DNM3: variants seen among roughly 807,000 people sequenced by gnomAD.
DNM3 encodes dynamin-3.
Under a neutral mutation model 101.6 loss-of-function variants are expected in DNM3, and 47 were observed. The observed-to-expected ratio is 0.46, with a 90% CI of 0.37 to 0.59. The LOEUF (loss-of-function observed/expected upper bound fraction) is 0.59. Among genes scored for constraint, DNM3 ranks in the 20% least tolerant of loss-of-function variants. The probability of loss-of-function intolerance (pLI) is 0.00; values close to 1 mark genes in which losing one functional copy is unlikely to be tolerated. For synonymous variants in DNM3, 385 were observed against 387.9 expected (o/e 0.99, Z 0.09); for missense variants, 849 against 1,085.7 (o/e 0.78, Z 3.06).
intron 4 of DNM3, among the ~76,000 whole-genome samples, chr1:172,001,317 C>T (rs1453367937): frequency 1.3e-5 from 2 of 151,958 alleles, no homozygotes; most frequent in Non-Finnish European, 2.9e-5. Context: ...CTAGCAGTGT[C>T]ACTGACATCT....
chr1:172,007,749 AG>A (rs2046792129), intron 4 of DNM3, among the ~76,000 whole-genome samples: 1 of 151,908 alleles, frequency 6.6e-6, no homozygotes, highest in African/African-American at 2.4e-5. Context: ...GAAATTTTGT[AG>A]TTTTAGGTTT....
chr1:172,225,159 T>TTTTTTA (rs2061061011), intron 14 of DNM3, among the ~76,000 whole-genome samples: 1 of 144,490 alleles, frequency 6.9e-6, no homozygotes, highest in Non-Finnish European at 1.5e-5. Context: ...TTTTTTTTTT[T>TTTTTTA]GAGATAGTCT....
intron 1 of DNM3, among the ~76,000 whole-genome samples, chr1:171,913,049 A>C (rs2039431725): frequency 6.6e-6 from 1 of 152,342 alleles, no homozygotes; most frequent in Admixed American, 6.5e-5. Context: ...TAAGGCATTA[A>C]GTTCTTCAGC....
chr1:172,349,408 C>G (rs1316205058), intron 17 of DNM3, among the ~76,000 whole-genome samples: 1 of 152,128 alleles, frequency 6.6e-6, no homozygotes, highest in African/African-American at 2.4e-5. Context: ...CTACTGCTGC[C>G]ATTATTAGAT....
intron 12 of DNM3, among the ~76,000 whole-genome samples, chr1:172,087,947 G>A (rs2053645751): frequency 6.6e-6 from 1 of 152,126 alleles, no homozygotes; most frequent in Admixed American, 6.5e-5. Flanking sequence ...ACCACTTTGG[G>A]ATCCCTAACT....
At chr1:172,244,224 C>T (rs1414323233) in intron 14 of DNM3, among the ~76,000 whole-genome samples, 1 of 151,778 alleles carries the variant, frequency 6.6e-6, no homozygotes, top group Non-Finnish European at 1.5e-5. Context: ...CATAGTATTC[C>T]ATGGTGTATA....
At chr1:172,037,750 TACTC>T (rs893140948) in intron 6 of DNM3, among the ~76,000 whole-genome samples, 1 of 152,172 alleles carries the variant, frequency 6.6e-6, no homozygotes, top group Non-Finnish European at 1.5e-5. Flanking sequence ...AGCTTTCCCT[TACTC>T]AGTCATGGAG....
At chr1:172,368,776 A>G (rs2068164074) in intron 17 of DNM3, among the ~76,000 whole-genome samples, 1 of 151,948 alleles carries the variant, frequency 6.6e-6, no homozygotes, top group Non-Finnish European at 1.5e-5. Context: ...ATGAAACATT[A>G]CAACTGATAC....
chr1:172,235,863 G>A (rs192508658), intron 14 of DNM3, among the ~76,000 whole-genome samples: 1 of 152,020 alleles, frequency 6.6e-6, no homozygotes, highest in African/African-American at 2.4e-5. Flanking sequence ...GGAGAGTGGG[G>A]AGGGATAGCA....
At chr1:171,921,598 C>T in intron 1 of DNM3, 150 bp from the exon 2 acceptor site, 1 of 625,698 alleles carries the variant, frequency 1.6e-6, no homozygotes, top group East Asian at 2.8e-5. Context: ...TTTGAAAATG[C>T]TTCTTTTATT....
chr1:172,318,793 A>T (rs1460829014), intron 16 of DNM3, among the ~76,000 whole-genome samples: 6 of 152,200 alleles, frequency 3.9e-5, no homozygotes, highest in Non-Finnish European at 2.9e-5. Flanking sequence ...AATCAATATC[A>T]TGAAAATGGC....
At chr1:172,242,923 A>T (rs1435322426) in intron 14 of DNM3, among the ~76,000 whole-genome samples, 10 of 152,194 alleles carry the variant, frequency 6.6e-5, no homozygotes, top group Non-Finnish European at 1.2e-4. Context: ...TGCTAGGTCA[A>T]CAAATCCTCC....
chr1:172,205,012 T>C (rs2060276982), intron 14 of DNM3, among the ~76,000 whole-genome samples: 1 of 152,180 alleles, frequency 6.6e-6, no homozygotes, highest in Admixed American at 6.6e-5. Context: ...AAGAAAATAG[T>C]AGAGTGTATC....
chr1:171,856,990 C>T (rs1222711300), intron 1 of DNM3, among the ~76,000 whole-genome samples: 2 of 152,216 alleles, frequency 1.3e-5, no homozygotes, highest in Non-Finnish European at 2.9e-5. Context: ...GCCAGACGCA[C>T]AGAAATAAGG....
chr1:172,208,866 T>G lies in DNM3; in HGVS notation c.1660-44707T>G, dbSNP rs543932171. Among the ~76,000 whole-genome samples the G allele has an allele frequency of 4.5e-4, 68 of 152,084 alleles. 1 individual carries two copies. The highest frequency in any genetic ancestry group is 5.1e-4 in the Non-Finnish European group (35 of 68,004). On this transcript the variant is annotated intron_variant, in intron 14 of 20. Transcript: ENST00000627582. ...GTTTGTGCATGATCAACTATTTCTG[T>G]AGAAGTATTCAGAAAGAGTGAGGAC...
intron 2 of DNM3, among the ~76,000 whole-genome samples, chr1:171,963,008 A>ACATAATATCCAGCATCCTTAC (rs2043319458): frequency 6.6e-6 from 1 of 152,194 alleles, no homozygotes; most frequent in Non-Finnish European, 1.5e-5. Flanking sequence ...CATATCCTTA[A>ACATAATATCCAGCATCCTTAC]CATATTATCC....
At chr1:172,201,795 G>A (rs577223312) in intron 14 of DNM3, among the ~76,000 whole-genome samples, 13 of 152,338 alleles carry the variant, frequency 8.5e-5, no homozygotes, top group South Asian at 4.1e-4. Context: ...TCTGGCAGGG[G>A]TTGGCTGGAG....
chr1:172,159,347 T>TGA (rs2058461160), intron 14 of DNM3, among the ~76,000 whole-genome samples: 1 of 152,104 alleles, frequency 6.6e-6, no homozygotes, highest in South Asian at 2.1e-4. Context: ...AAGTTTGTGT[T>TGA]TCTGCTACAG....
intron 18 of DNM3, among the ~76,000 whole-genome samples, chr1:172,383,295 C>A (rs939080334): frequency 1.3e-5 from 2 of 152,120 alleles, no homozygotes; most frequent in Non-Finnish European, 2.9e-5. Context: ...TGTCTAACTT[C>A]TTTTCCTTAA....
Sources: gnomAD v4.1 joint callset for allele counts (sites outside exome capture counted in the v4.1 genomes callset) on GRCh38, gnomAD v4.1.1 for gene constraint, MANE v1.5 for transcripts, NCBI Gene and HGNC (gene_info 2026-07-23, HGNC 2026-07-21) for gene names.